The following TAB2 variants were observed in gnomAD, a reference collection of about 807,000 sequenced individuals.
TAB2 encodes the protein TGF-beta-activated kinase 1 and MAP3K7-binding protein 2.
In TAB2, 3 loss-of-function variants were observed where a neutral mutation model predicts 65.0. The observed-to-expected ratio is 0.05, with a 90% CI of 0.02 to 0.12. The LOEUF is 0.12. Ranked by LOEUF, TAB2 falls within the 10% of genes least tolerant of loss-of-function variation. The pLI, the probability that TAB2 is intolerant of heterozygous loss-of-function variation, is 1.00. For missense variants in TAB2, 623 were observed against 840.3 expected, an observed-to-expected ratio of 0.74 and a Z score of 3.20; for synonymous variants, 298 against 285.1, an observed-to-expected ratio of 1.05 and a Z score of -0.46.
intron 1 of TAB2, among the ~76,000 whole-genome samples, chr6:149,354,090 T>A (rs1362700189): frequency 1.3e-5 from 2 of 152,262 alleles, no homozygotes; most frequent in Non-Finnish European, 2.9e-5. Context: ...GGTTTCTTTA[T>A]AACATTCATC....
chr6:149,328,107 A>T (rs1779671730), intron 1 of TAB2, among the ~76,000 whole-genome samples: 1 of 152,216 alleles, frequency 6.6e-6, no homozygotes. Context: ...TAGAAGATTG[A>T]AGTGGTCATC....
At chr6:149,326,803 CCT>C (rs554476187) in intron 1 of TAB2, among the ~76,000 whole-genome samples, 1 of 152,254 alleles carries the variant, frequency 6.6e-6, no homozygotes, top group African/African-American at 2.4e-5. Flanking sequence ...CCATCCTCAG[CCT>C]TGCTTTTTTA....
intron 3 of TAB2, among the ~76,000 whole-genome samples, 168 bp from the exon 4 acceptor site, chr6:149,397,436 T>C (rs572505758): frequency 9.3e-5 from 14 of 150,850 alleles, no homozygotes; most frequent in African/African-American, 2.9e-4. Context: ...AGTAAAACTC[T>C]GTGTCAAAAA....
At chr6:149,307,896 CTA>C (rs1459310615) in intron 1 of TAB2, among the ~76,000 whole-genome samples, 8 of 152,314 alleles carry the variant, frequency 5.3e-5, no homozygotes, top group African/African-American at 1.9e-4. Flanking sequence ...GTTTTAGAAT[CTA>C]TCTTTCCAGA....
chr6:149,386,498 T>C (rs1418868065), intron 3 of TAB2, among the ~76,000 whole-genome samples: 4 of 152,114 alleles, frequency 2.6e-5, no homozygotes, highest in Admixed American at 1.3e-4. Flanking sequence ...ATCTACTTTC[T>C]TTCTCGATAA....
intron 1 of TAB2, among the ~76,000 whole-genome samples, chr6:149,292,058 T>A (rs183335531): frequency 6.6e-6 from 1 of 152,276 alleles, no homozygotes; most frequent in East Asian, 1.9e-4. Flanking sequence ...AACATACCAA[T>A]GAACATTCAT....
At chr6:149,237,112 G>T (rs1452091184) in intron 1 of TAB2, among the ~76,000 whole-genome samples, 1 of 152,178 alleles carries the variant, frequency 6.6e-6, no homozygotes, top group East Asian at 1.9e-4. Flanking sequence ...GAATTCCTTG[G>T]AATTTGGCAA....
chr6:149,284,162 C>G (rs567368416), intron 1 of TAB2, among the ~76,000 whole-genome samples: 2 of 152,312 alleles, frequency 1.3e-5, no homozygotes, highest in African/African-American at 4.8e-5. Context: ...CATACCTCTC[C>G]AGTGAAGTTT....
chr6:149,365,549 A>C (rs1463885943), intron 1 of TAB2, among the ~76,000 whole-genome samples: 1 of 152,046 alleles, frequency 6.6e-6, no homozygotes, highest in Admixed American at 6.5e-5. Flanking sequence ...GCTGTTTTCA[A>C]GATTTTCTTT....
Position 149,378,374 on chromosome 6 carries a change from A to G in TAB2, c.459A>G (p.Pro153=), listed in dbSNP as rs777032310. 1.5e-5 allele frequency: 24 copies of G among 1,614,138 alleles called. No individual in the cohort carries two copies. In the South Asian group the frequency reaches 2.3e-4, roughly 16 times the overall value. The change falls in exon 3 of 7, where the codon CCA becomes CCG. Residue 153 remains proline (P), a synonymous_variant. Coordinates refer to ENST00000637181, the MANE Select transcript of TAB2 (RefSeq NM_001292034.3). ...SSSSGASNSA[P]HLGFHLGSKG... is the part of the protein sequence containing the mutation. ...CCTCTGGTGCTTCAAATTCAGCACCACATCTTGGATTTCACTTAGGCAGCA... is the reference window on the plus strand; with the variant it reads ...CCTCTGGTGCTTCAAATTCAGCACCGCATCTTGGATTTCACTTAGGCAGCA...
chr6:149,340,296 C>T (rs952085054), intron 1 of TAB2, among the ~76,000 whole-genome samples: 1 of 152,018 alleles, frequency 6.6e-6, no homozygotes, highest in Non-Finnish European at 1.5e-5. Context: ...AATAAGAATT[C>T]TAAGAAACTA....
intron 3 of TAB2, among the ~76,000 whole-genome samples, chr6:149,383,909 T>G (rs1288747486): frequency 6.6e-6 from 1 of 152,176 alleles, no homozygotes; most frequent in Non-Finnish European, 1.5e-5. Flanking sequence ...ATCTAGTGTT[T>G]CATTCACTTA....
chr6:149,277,985 A>G (rs759977471), intron 1 of TAB2, among the ~76,000 whole-genome samples: 5 of 152,226 alleles, frequency 3.3e-5, no homozygotes, highest in Admixed American at 6.5e-5. Context: ...AATTAATTCA[A>G]TAACAGAACT....
At chr6:149,286,873 T>A (rs1778685556) in intron 1 of TAB2, among the ~76,000 whole-genome samples, 1 of 152,152 alleles carries the variant, frequency 6.6e-6, no homozygotes, top group African/African-American at 2.4e-5. Context: ...CCCAGCACTT[T>A]GGGAGGCTGA....
intron 1 of TAB2, among the ~76,000 whole-genome samples, chr6:149,265,631 A>G (rs909424931): frequency 1.6e-4 from 25 of 152,178 alleles, no homozygotes; most frequent in African/African-American, 6.0e-4. Context: ...AAGTTTTATG[A>G]AAAGTAGAAT....
intron 3 of TAB2, among the ~76,000 whole-genome samples, chr6:149,391,895 C>T (rs998684051): frequency 3.5e-4 from 54 of 152,114 alleles, no homozygotes; most frequent in African/African-American, 1.1e-3. Flanking sequence ...TTTTTTCCGA[C>T]TCACATATGA....
chr6:149,305,329 T>G (rs1442457276), intron 1 of TAB2, among the ~76,000 whole-genome samples: 1 of 152,218 alleles, frequency 6.6e-6, no homozygotes, highest in Non-Finnish European at 1.5e-5. Context: ...TAATGTCAAA[T>G]TCTGCTACAT....
At chr6:149,374,914 C>T (rs569882642) in intron 2 of TAB2, among the ~76,000 whole-genome samples, 20 of 152,232 alleles carry the variant, frequency 1.3e-4, no homozygotes, top group African/African-American at 4.6e-4. Flanking sequence ...AGGGGAGGGG[C>T]TGGTTATTAG....
intron 3 of TAB2, among the ~76,000 whole-genome samples, chr6:149,397,217 G>A (rs572470298): frequency 2.6e-5 from 4 of 152,198 alleles, no homozygotes; most frequent in Non-Finnish European, 5.9e-5. Context: ...CAAGGCAGGC[G>A]GATCACCTGG....
Sources: allele counts gnomAD v4.1 joint callset (sites outside exome capture counted in the v4.1 genomes callset), GRCh38; gene constraint gnomAD v4.1.1; transcripts MANE v1.5; gene names NCBI Gene and HGNC (gene_info 2026-07-23, HGNC 2026-07-21).